Variants in MACROD2 observed in about 807,000 individuals in gnomAD.
The protein encoded by MACROD2 is ADP-ribose glycohydrolase MACROD2.
A neutral mutation model predicts 70.4 loss-of-function variants in MACROD2; 36 were observed. The observed-to-expected ratio is 0.51, with a 90% CI of 0.39 to 0.68. The LOEUF (loss-of-function observed/expected upper bound fraction) is 0.68, where lower values mean the gene tolerates loss of function less well. Ranked by LOEUF, MACROD2 falls within the 30% of genes least tolerant of loss-of-function variation. The pLI, the probability that MACROD2 is intolerant of heterozygous loss-of-function variation, is 0.00. For missense variants in MACROD2, 496 were observed against 538.4 expected (o/e 0.92, Z 0.78); for synonymous variants, 172 against 178.8 (o/e 0.96, Z 0.30).
chr20:15,693,206 T>C (rs2050320620), intron 8 of MACROD2, among the ~76,000 whole-genome samples: 1 of 152,202 alleles, frequency 6.6e-6, no homozygotes, highest in South Asian at 2.1e-4. Flanking sequence ...CCTCTTCTCT[T>C]TGATTCAAAC....
chr20:14,865,393 CT>C (rs374670048), intron 5 of MACROD2, among the ~76,000 whole-genome samples: 26 of 149,518 alleles, frequency 1.7e-4, no homozygotes, highest in Admixed American at 4.0e-4. Flanking sequence ...ACTTATTTGG[CT>C]TTTTTTTTTC....
intron 5 of MACROD2, among the ~76,000 whole-genome samples, chr20:14,862,054 T>TATATTTTTATATATATAAATATATAAAA (rs1568838868): frequency 0.34 from 1,040 of 3,046 alleles, 271 homozygotes; most frequent in African/African-American, 0.54. Context: ...TATATATTTA[T>TATATTTTTATATATATAAATATATAAAA]ATATATATAA....
intron 5 of MACROD2, among the ~76,000 whole-genome samples, chr20:15,030,862 C>A (rs1428386394): frequency 6.6e-6 from 1 of 152,162 alleles, no homozygotes; most frequent in Non-Finnish European, 1.5e-5. Flanking sequence ...GTCACAGGAT[C>A]TCTAGGGTGT....
At chr20:15,294,707 G>A (rs1477360939) in intron 6 of MACROD2, among the ~76,000 whole-genome samples, 1 of 152,208 alleles carries the variant, frequency 6.6e-6, no homozygotes, top group Non-Finnish European at 1.5e-5. Flanking sequence ...AAAAGGAGCT[G>A]CAGCTATGTG....
At chr20:15,403,123 C>T (rs893398417) in intron 6 of MACROD2, among the ~76,000 whole-genome samples, 1 of 151,992 alleles carries the variant, frequency 6.6e-6, no homozygotes, top group Non-Finnish European at 1.5e-5. Context: ...CCTGCTACCA[C>T]ACCCAGCTAA....
intron 3 of MACROD2, among the ~76,000 whole-genome samples, chr20:14,231,902 AT>A (rs1162237760): frequency 6.6e-6 from 1 of 152,046 alleles, no homozygotes; most frequent in South Asian, 2.1e-4. Flanking sequence ...GATGATGAGC[AT>A]TTTTTCATGT....
intron 5 of MACROD2, among the ~76,000 whole-genome samples, chr20:15,063,161 C>T (rs563184599): frequency 1.3e-5 from 2 of 152,294 alleles, no homozygotes; most frequent in South Asian, 2.1e-4. Flanking sequence ...GCTCACAGGG[C>T]CATGAACCAT....
chr20:15,787,339 G>T (rs1238495219), intron 8 of MACROD2, among the ~76,000 whole-genome samples: 1 of 152,042 alleles, frequency 6.6e-6, no homozygotes, highest in Non-Finnish European at 1.5e-5. Flanking sequence ...AGATTCAGGG[G>T]TACATGTATA....
At chr20:14,928,440 G>T (rs1010480359) in intron 5 of MACROD2, among the ~76,000 whole-genome samples, 1 of 152,182 alleles carries the variant, frequency 6.6e-6, no homozygotes, top group Non-Finnish European at 1.5e-5. Flanking sequence ...GCTTTAAAAG[G>T]TTGTGATTTG....
At chr20:15,831,919 G>T (rs986916457) in intron 8 of MACROD2, among the ~76,000 whole-genome samples, 3 of 152,136 alleles carry the variant, frequency 2.0e-5, no homozygotes, top group African/African-American at 7.2e-5. Context: ...TGATATGTTT[G>T]TGTTGTTTAG....
At chr20:14,491,555 A>G (rs2084795207) in intron 3 of MACROD2, among the ~76,000 whole-genome samples, 1 of 152,144 alleles carries the variant, frequency 6.6e-6, no homozygotes. Context: ...AGTTGACATA[A>G]ACTAACTTGA....
At chr20:15,128,285 T>C (rs2076080913) in intron 5 of MACROD2, among the ~76,000 whole-genome samples, 1 of 152,244 alleles carries the variant, frequency 6.6e-6, no homozygotes, top group African/African-American at 2.4e-5. Flanking sequence ...TACCATATGA[T>C]GGCTGGTATT....
At chr20:14,939,890 A>C (rs1394004754) in intron 5 of MACROD2, among the ~76,000 whole-genome samples, 1 of 151,724 alleles carries the variant, frequency 6.6e-6, no homozygotes, top group Non-Finnish European at 1.5e-5. Context: ...ACATTCATGA[A>C]TTTTTTCAGA....
intron 5 of MACROD2, among the ~76,000 whole-genome samples, chr20:14,755,542 T>C (rs2071929411): frequency 6.6e-6 from 1 of 152,116 alleles, no homozygotes; most frequent in Admixed American, 6.5e-5. Context: ...ATTCATTGAC[T>C]ATATAGCCTT....
At chr20:14,777,573 G>A (rs540483351) in intron 5 of MACROD2, among the ~76,000 whole-genome samples, 181 of 152,026 alleles carry the variant, frequency 1.2e-3, no homozygotes, top group Admixed American at 2.6e-3. Flanking sequence ...AAAGCAGCCC[G>A]ATTCATATAG....
chr20:14,360,352 A>C (rs1427341489), intron 3 of MACROD2, among the ~76,000 whole-genome samples: 1 of 152,258 alleles, frequency 6.6e-6, no homozygotes, highest in Non-Finnish European at 1.5e-5. Context: ...ACATATTTTA[A>C]AGAATAATGT....
intron 15 of MACROD2, among the ~76,000 whole-genome samples, chr20:16,026,316 T>C (rs1424086579): frequency 6.6e-6 from 1 of 152,218 alleles, no homozygotes; most frequent in African/African-American, 2.4e-5. Flanking sequence ...CATTTTACTG[T>C]ATTCACTGCC....
chr20:14,416,786 G>T (rs552542438), intron 3 of MACROD2, among the ~76,000 whole-genome samples: 1 of 152,282 alleles, frequency 6.6e-6, no homozygotes, highest in South Asian at 2.1e-4. Flanking sequence ...ATCCTGGAGT[G>T]GCATCTTGAA....
intron 5 of MACROD2, among the ~76,000 whole-genome samples, chr20:15,135,886 T>C (rs902201829): frequency 1.3e-5 from 2 of 151,792 alleles, no homozygotes; most frequent in African/African-American, 2.4e-5. Context: ...ACAAAATCAA[T>C]GTACCAAAAT....
Sources: allele counts gnomAD v4.1 joint callset (sites outside exome capture counted in the v4.1 genomes callset), GRCh38; gene constraint gnomAD v4.1.1; transcripts MANE v1.5; gene names NCBI Gene and HGNC (gene_info 2026-07-23, HGNC 2026-07-21).